The following PCCB variants were observed in gnomAD, a reference collection of about 807,000 sequenced individuals.
The protein encoded by PCCB is propionyl-CoA carboxylase beta chain, mitochondrial.
A neutral mutation model predicts 60.7 loss-of-function variants in PCCB; 43 were observed. The observed-to-expected ratio is 0.71, with a 90% confidence interval of 0.55 to 0.91. PCCB has a LOEUF of 0.91. Among genes scored for constraint, PCCB ranks in the 40% least tolerant of loss-of-function variants. The probability of loss-of-function intolerance (pLI) is 0.00; values close to 1 mark genes in which losing one functional copy is unlikely to be tolerated. For synonymous variants in PCCB, 276 were observed against 255.9 expected (o/e 1.08, Z -0.75); for missense variants, 766 against 702.8 (o/e 1.09, Z -1.02).
intron 1 of PCCB, chr3:136,252,212 T>C (rs991361230): frequency 2.4e-5 from 11 of 452,058 alleles, no homozygotes; most frequent in African/African-American, 2.2e-4. Flanking sequence ...TTTTTGACCA[T>C]TTCCGTAGAT....
At chr3:136,278,031 G>A (rs138716533) in intron 5 of PCCB, among the ~76,000 whole-genome samples, 1 of 152,126 alleles carries the variant, frequency 6.6e-6, no homozygotes, top group African/African-American at 2.4e-5. Context: ...TTCAACCTGC[G>A]ACCACTACCT....
At chr3:136,289,139 T>G (rs770730674) in intron 6 of PCCB, among the ~76,000 whole-genome samples, 7 of 152,204 alleles carry the variant, frequency 4.6e-5, no homozygotes, top group Non-Finnish European at 1.0e-4. Flanking sequence ...ATTATAGGCA[T>G]GAGACACTGT....
chr3:136,313,020 A>G (rs1272267726), intron 9 of PCCB, among the ~76,000 whole-genome samples: 2 of 152,240 alleles, frequency 1.3e-5, no homozygotes, highest in African/African-American at 2.4e-5. Context: ...AATGCTAGAA[A>G]TACAAATTCA....
At chr3:136,290,671 G>GTTTTTTTTTGTTTTTTTTTTT (rs1933638476) in intron 6 of PCCB, among the ~76,000 whole-genome samples, 4 of 60,050 alleles carry the variant, frequency 6.7e-5, no homozygotes, top group Non-Finnish European at 8.2e-5. Flanking sequence ...TCTCTGTGTA[G>GTTTTTTTTTGTTTTTTTTTTT]TTTTTTTTTT....
chr3:136,307,923 C>T (rs865925432), intron 9 of PCCB, among the ~76,000 whole-genome samples: 2 of 151,714 alleles, frequency 1.3e-5, no homozygotes, highest in African/African-American at 2.4e-5. Context: ...TGTGGTGAGC[C>T]GAGATTGCAC....
chr3:136,325,539 G>A (rs1459949274), intron 10 of PCCB, among the ~76,000 whole-genome samples: 2 of 151,424 alleles, frequency 1.3e-5, no homozygotes, highest in African/African-American at 4.9e-5. Flanking sequence ...GTATTTTTTA[G>A]TAGAGATGAG....
chr3:136,295,472 G>T (rs1933888508), intron 7 of PCCB, among the ~76,000 whole-genome samples: 1 of 152,160 alleles, frequency 6.6e-6, no homozygotes, highest in Non-Finnish European at 1.5e-5. Context: ...TTTAAGACAT[G>T]TCTAGAATCA....
At chr3:136,308,347 C>T (rs1409138739) in intron 9 of PCCB, among the ~76,000 whole-genome samples, 2 of 151,322 alleles carry the variant, frequency 1.3e-5, no homozygotes, top group African/African-American at 4.9e-5. Context: ...GATTCTCCTG[C>T]CTCAGCTTCC....
intron 9 of PCCB, among the ~76,000 whole-genome samples, chr3:136,314,831 G>C (rs1934821968): frequency 6.6e-6 from 1 of 152,140 alleles, no homozygotes; most frequent in African/African-American, 2.4e-5. Flanking sequence ...ATTTTATGTA[G>C]TCTCAACGTA....
At chr3:136,288,796 T>A (rs1310200158) in intron 6 of PCCB, among the ~76,000 whole-genome samples, 1 of 151,992 alleles carries the variant, frequency 6.6e-6, no homozygotes, top group Non-Finnish European at 1.5e-5. Flanking sequence ...CTGGCTAATT[T>A]TTTATTTATT....
chr3:136,271,748 G>T (rs545805649), intron 5 of PCCB, among the ~76,000 whole-genome samples: 1 of 152,086 alleles, frequency 6.6e-6, no homozygotes, highest in Non-Finnish European at 1.5e-5. Flanking sequence ...TCAGATCTAG[G>T]AGTCTTTTGG....
rs374383658 is a variant in PCCB, at chr3:136,294,187, TTTATC to T, written c.763+328_763+332del. On this transcript the variant is annotated intron_variant, in intron 7 of 14. Coordinates refer to ENST00000251654, the MANE Select transcript of PCCB (RefSeq NM_000532.5). Reference sequence around the variant, plus strand: ...TACAGTTGAACCTTTGAAAAAAAATTTTATCTTATTGTGACATTTTTTATTCTAAG... The same window carrying T: ...TACAGTTGAACCTTTGAAAAAAAATTTTATTGTGACATTTTTTATTCTAAG... Among the ~76,000 whole-genome samples, 971 of 152,292 alleles carry T rather than the reference TTTATC, an allele frequency of 6.4e-3. 10 individuals carry two copies. Among genetic ancestry groups the T allele is most frequent in the African/African-American group, 0.023 (940 of 41,554 alleles).
At chr3:136,300,885 T>C in intron 8 of PCCB, 145 bp from the exon 9 acceptor site, 1 of 707,988 alleles carries the variant, frequency 1.4e-6, no homozygotes, top group Non-Finnish European at 2.6e-6. Context: ...GGAATGACTC[T>C]TTGGTGACTG....
chr3:136,323,946 A>T (rs1481193495), intron 10 of PCCB, among the ~76,000 whole-genome samples: 1 of 150,246 alleles, frequency 6.7e-6, no homozygotes, highest in East Asian at 1.9e-4. Flanking sequence ...TATACATTAT[A>T]ATGTGGTAAC....
chr3:136,329,830 A>G, intron 14 of PCCB, 75 bp from the exon 15 acceptor site: 8 of 1,555,004 alleles, frequency 5.1e-6, no homozygotes, highest in Non-Finnish European at 7.1e-6. Context: ...GATGGTGCCC[A>G]GGCTGAGCAG....
Position 136,261,636 on chromosome 3 carries a change from C to T in PCCB, c.430-316C>T, listed in dbSNP as rs77873185. 2.1e-3 allele frequency among the ~76,000 whole-genome samples: 322 copies of T among 152,282 alleles called. 1 individual carries two copies. The highest frequency in any genetic ancestry group is 0.011 in the East Asian group (57 of 5,180). On this transcript the variant is annotated intron_variant, in intron 4 of 14. Transcript: ENST00000251654. Reference sequence around the variant, plus strand: ...GTTCTGTCAAAGCAGTACCTGGGAACAAAACTGGCTGCTGGAAGACGTTAC... The same window carrying T: ...GTTCTGTCAAAGCAGTACCTGGGAATAAAACTGGCTGCTGGAAGACGTTAC...
chr3:136,262,895 A>T (rs1941862853), intron 5 of PCCB, among the ~76,000 whole-genome samples: 1 of 151,114 alleles, frequency 6.6e-6, no homozygotes, highest in South Asian at 2.1e-4. Context: ...CACATTTTAG[A>T]GCTTGACTGG....
At chr3:136,285,815 C>T (rs1933376840) in intron 6 of PCCB, among the ~76,000 whole-genome samples, 1 of 152,190 alleles carries the variant, frequency 6.6e-6, no homozygotes, top group African/African-American at 2.4e-5. Context: ...GCTTACAAAA[C>T]TTTAGTTAAT....
intron 5 of PCCB, among the ~76,000 whole-genome samples, chr3:136,275,670 T>C (rs924740428): frequency 6.6e-6 from 1 of 152,228 alleles, no homozygotes; most frequent in African/African-American, 2.4e-5. Context: ...TATAGCCTAA[T>C]GTGATTCTTA....
Sources: allele counts gnomAD v4.1 joint callset (sites outside exome capture counted in the v4.1 genomes callset), GRCh38; gene constraint gnomAD v4.1.1; transcripts MANE v1.5; gene names NCBI Gene and HGNC (gene_info 2026-07-23, HGNC 2026-07-21).